The following FDXACB1 variants were observed in gnomAD, a reference collection of about 807,000 sequenced individuals.
FDXACB1 encodes the protein ferredoxin-fold anticodon binding domain containing 1, also known as ferredoxin-fold anticodon-binding domain-containing protein 1.
A neutral mutation model predicts 51.7 loss-of-function variants in FDXACB1; 41 were observed. The ratio of observed to expected loss-of-function variants is 0.79; its 90% confidence interval spans 0.62 to 1.03. The LOEUF is 1.03. FDXACB1 is among the 50% of genes least tolerant of loss of function. The pLI is 0.00. For missense variants in FDXACB1, 697 were observed against 746.4 expected, an observed-to-expected ratio of 0.93 and a Z score of 0.77; for synonymous variants, 273 against 278.6, an observed-to-expected ratio of 0.98 and a Z score of 0.20.
intron 2 of FDXACB1, 58 bp downstream of exon 2, chr11:111,878,498 A>G (rs1964869785): frequency 2.0e-6 from 3 of 1,498,672 alleles, no homozygotes; most frequent in Non-Finnish European, 2.7e-6. Flanking sequence ...GTTTGGGTAC[A>G]GTAACTATGT....
chr11:111,879,070 G>A lies in FDXACB1; in HGVS notation c.63C>T (p.Ser21=), dbSNP rs1555162688. Reference sequence around the variant, plus strand: ...GTTGAGTGCTCTGATCCAGGGTTTCGCTCAGAGCGGCGGCGAAGGAGAAAT... The same window carrying A: ...GTTGAGTGCTCTGATCCAGGGTTTCACTCAGAGCGGCGGCGAAGGAGAAAT... ...EGNFSFAAAL[S]ETLDQSTQLT... is the part of the protein sequence containing the mutation. Residue 21 remains serine (S), a synonymous_variant, in exon 1 of 5, where the codon AGC becomes AGT. Coordinates refer to ENST00000260257, the MANE Select transcript of FDXACB1 (RefSeq NM_138378.3). 6.2e-7 allele frequency: 1 copy of A among 1,613,742 alleles called. No individual in the cohort carries two copies. Among genetic ancestry groups the A allele is most frequent in the Non-Finnish European group, 8.5e-7 (1 of 1,179,838 alleles).
intron 1 of FDXACB1, 25 bp from the exon 2 acceptor site, chr11:111,878,737 A>G: frequency 1.2e-6 from 2 of 1,602,104 alleles, no homozygotes; most frequent in Non-Finnish European, 1.7e-6. Context: ...TTGGGGGCGC[A>G]AAATATAGAC....
At chr11:111,876,686 C>T (rs782508285) in intron 3 of FDXACB1, 47 bp from the exon 4 acceptor site, 2 of 1,595,636 alleles carry the variant, frequency 1.3e-6, no homozygotes. Context: ...TTAAAATAAG[C>T]AAGTATTTTT....
Position 111,876,114 on chromosome 11 carries a change from C to A in FDXACB1, c.693-10G>T. ...TGCTTCCAGGAAACCCCTGTTTAAA[C>A]ACACACAAAAATAACTTTTCTAACT... On this transcript the variant is annotated splice_polypyrimidine_tract_variant and intron_variant, in intron 4 of 4. Transcript: ENST00000260257. 2 of 1,569,938 alleles carry A rather than the reference C, an allele frequency of 1.3e-6. No individual in the cohort carries two copies. The highest frequency in any genetic ancestry group is 2.0e-5 in the Admixed American group (1 of 50,936).
At position 111,876,476 on chromosome 11, in the gene FDXACB1, G is replaced by A; in HGVS notation, c.692+5C>T. 6.2e-7 allele frequency: 1 copy of A among 1,612,368 alleles called. No individual in the cohort carries two copies. Among genetic ancestry groups the A allele is most frequent in the East Asian group, 2.2e-5 (1 of 44,854 alleles). On this transcript the variant is annotated splice_donor_5th_base_variant and intron_variant, in intron 4 of 4. Transcript: ENST00000260257. ...GAAGTGATTTCCAGCAAAATAACTG[G>A]TTACCTGTTCAACTTTCCTACAAGT...
At chr11:111,876,207 C>A (rs1555162136) in intron 4 of FDXACB1, 103 bp from the exon 5 acceptor site, 6 of 1,068,806 alleles carry the variant, frequency 5.6e-6, no homozygotes, top group Non-Finnish European at 7.9e-6. Context: ...AAAGAATTAT[C>A]TTTAAATTGA....
rs782800274 is a variant in FDXACB1, at chr11:111,878,734, C to A, written c.173-22G>T. ...ATACCTGGCAAAGATAGTTTGGGGG[C>A]GCAAAATATAGACAGGAGGATGCCT... On this transcript the variant is annotated intron_variant, in intron 1 of 4. Transcript: ENST00000260257. 53 of 1,601,454 alleles carry A rather than the reference C, an allele frequency of 3.3e-5. No homozygotes were observed. The East Asian group carries it at 1.1e-3, about 34-fold the overall frequency.
Position 111,875,604 on chromosome 11 carries a change from C to T in FDXACB1, c.1193G>A (p.Gly398Glu), listed in dbSNP as rs137921139. 1.9e-6 allele frequency: 3 copies of T among 1,612,158 alleles called. No individual in the cohort carries two copies. The African/African-American group carries it at 4.0e-5, about 22-fold the overall frequency. The change falls in exon 5 of 5, where the codon GGG becomes GAG. Residue 398 changes from glycine to glutamate, a missense_variant. By Grantham distance (98) the Gly-to-Glu change is moderately conservative. Transcript: ENST00000260257. ...GCCATCCTTCAGATTTTGATTAACC[C>T]CAAGGATAAATAAAGTTTCATGAAA... ...PAFHETLFIL[G>E]VNQNLKDGCL...
chr11:111,875,674 G>A lies in FDXACB1; in HGVS notation c.1123C>T (p.Pro375Ser), dbSNP rs376322554. The stretch of plus-strand genomic sequence containing the variant: ...AAAATGTGGCACTTCTGAAAGACAG[G>A]TCCACTGAGGATGTGCAGAGAACCT... ...LSGSLHILSG[P>S]VFQKCHILPF... is the part of the protein sequence containing the mutation. Residue 375 changes from proline to serine, a missense_variant, in exon 5 of 5, where the codon CCT becomes TCT. Pro to Ser is a moderately conservative substitution (Grantham distance 74, BLOSUM62 -1). This residue lies in a region of FDXACB1 where 538 missense variants were observed against 592.2 expected (regional missense o/e 0.91). Transcript: ENST00000260257. The A allele has an allele frequency of 6.2e-7, 1 of 1,613,478 alleles. No individual in the cohort carries two copies. Among genetic ancestry groups the A allele is most frequent in the Non-Finnish European group, 8.5e-7 (1 of 1,179,850 alleles).
In FDXACB1 at chr11:111,875,979, C is replaced by A; in HGVS notation, c.818G>T (p.Gly273Val). ...KCSYPLLPQE[G>V]TSVLPFWNCD... ...ATTCCAGAAAGGAAGAACACTGGTA[C>A]CTTCCTGTGGCAGCAAAGGGTAGGA... The change falls in exon 5 of 5, where the codon GGT becomes GTT. Residue 273 changes from glycine (G) to valine (V), a missense_variant. By Grantham distance (109) the Gly-to-Val change is moderately radical. Around this residue, in one of 3 missense-constraint regions of FDXACB1, gnomAD observed 538 missense variants for 592.2 expected, o/e 0.91. Transcript: ENST00000260257. 1 of 1,613,952 alleles carries A rather than the reference C, an allele frequency of 6.2e-7. No individual in the cohort carries two copies. Among genetic ancestry groups the A allele is most frequent in the Non-Finnish European group, 8.5e-7 (1 of 1,179,882 alleles).
intron 4 of FDXACB1, 148 bp downstream of exon 4, chr11:111,876,333 G>C: frequency 9.4e-7 from 1 of 1,068,256 alleles, no homozygotes; most frequent in Admixed American, 2.5e-5. Context: ...TATAATTCTA[G>C]AGATGCTTAA....
Position 111,874,744 on chromosome 11 carries a change from G to A in FDXACB1, c.*178C>T, listed in dbSNP as rs1346477829. On this transcript the variant is annotated 3_prime_UTR_variant, in exon 5 of 5. Transcript: ENST00000260257. ...CCACTGCACTCCCGCCTGGGCGGCA[G>A]AGCAAGACTCCGTCTCAAAAAAAAA... 3.2e-6 allele frequency: 2 copies of A among 615,934 alleles called. No individual in the cohort carries two copies. The highest frequency in any genetic ancestry group is 4.0e-5 in the African/African-American group (2 of 49,458). 38.2% of individuals were successfully genotyped at this position (615,934 alleles called of 1,614,324 possible). A position where few individuals can be genotyped will look rare whatever the true frequency, so the allele number is the denominator to read the frequency against.
In FDXACB1 at chr11:111,875,024, G is replaced by A. The variant is rs1964779297; in HGVS notation, c.1773C>T (p.Thr591=). Residue 591 remains threonine, a synonymous_variant, in exon 5 of 5, where the codon ACC becomes ACT. Transcript: ENST00000260257. ...TQQVSLCYRL[T]YQTCDKALTQ... ...TGAGGGCCTTGTCACAGGTCTGGTA[G>A]GTCAATCTATAGCAGAGACTGACCT... is the stretch of plus-strand genomic sequence containing the variant. 6.2e-7 allele frequency: 1 copy of A among 1,613,936 alleles called. No individual in the cohort carries two copies. Among genetic ancestry groups the A allele is most frequent in the Non-Finnish European group, 8.5e-7 (1 of 1,179,880 alleles).
chr11:111,874,958 C>G lies in FDXACB1; in HGVS notation c.1839G>C (p.Lys613Asn). ...TAACATATAGGTGTTGTTGAATCTC[C>G]TTCCTAAACTGGGACTGCATTGATG... is the stretch of plus-strand genomic sequence containing the variant. ...QVASMQSQFR[K>N]EIQQHLYVIP... The change falls in exon 5 of 5, where the codon AAG becomes AAC. Residue 613 changes from lysine (K) to asparagine (N), a missense_variant. Physicochemically the swap from Lys to Asn is moderately conservative, Grantham distance 94. Coordinates refer to ENST00000260257, the MANE Select transcript of FDXACB1 (RefSeq NM_138378.3). The G allele has an allele frequency of 1.9e-6, 3 of 1,613,982 alleles. No individual in the cohort carries two copies. Among genetic ancestry groups the G allele is most frequent in the Non-Finnish European group, 2.5e-6 (3 of 1,179,886 alleles).
At chr11:111,878,078 T>C (rs1964857590) in intron 2 of FDXACB1, among the ~76,000 whole-genome samples, 1 of 151,860 alleles carries the variant, frequency 6.6e-6, no homozygotes, top group Non-Finnish European at 1.5e-5. Context: ...TCCCAGCTAC[T>C]TGGGAGGCTG....
chr11:111,878,997 G>C lies in FDXACB1; in HGVS notation c.136C>G (p.Leu46Val), dbSNP rs782239827. The change falls in exon 1 of 5, where the codon CTG (leucine) becomes GTG (valine). Residue 46 changes from leucine (L) to valine (V), a missense_variant. Around this residue, in one of 3 missense-constraint regions of FDXACB1, gnomAD observed 153 missense variants for 133.5 expected, o/e 1.15. Transcript: ENST00000260257. ...AGGCACTGCAGATTCTCCCAGGCCA[G>C]TGGATCCCGAGCCAACTCGGCCGGG... is the stretch of plus-strand genomic sequence containing the variant. Reference protein sequence around the residue: ...QRPAELARDPLAWENLQCLRE... With the variant: ...QRPAELARDPVAWENLQCLRE... 1.9e-6 allele frequency: 3 copies of C among 1,611,628 alleles called. No homozygotes were observed. Among genetic ancestry groups the C allele is most frequent in the Non-Finnish European group, 2.5e-6 (3 of 1,179,112 alleles).
At chr11:111,877,212 A>C (rs1555162304) in intron 2 of FDXACB1, among the ~76,000 whole-genome samples, 1 of 152,174 alleles carries the variant, frequency 6.6e-6, no homozygotes, top group African/African-American at 2.4e-5. Flanking sequence ...CAACCCACTC[A>C]CTGATAAGAT....
chr11:111,877,097 TG>T, intron 2 of FDXACB1, 86 bp from the exon 3 acceptor site: 1 of 1,322,850 alleles, frequency 7.6e-7, no homozygotes, highest in Non-Finnish European at 1.0e-6. Flanking sequence ...ATGGTTTGCC[TG>T]TGAAATAATT....
At chr11:111,877,098 G>A in intron 2 of FDXACB1, 87 bp from the exon 3 acceptor site, 3 of 1,320,370 alleles carry the variant, frequency 2.3e-6, no homozygotes, top group South Asian at 2.9e-5. Flanking sequence ...TGGTTTGCCT[G>A]TGAAATAATT....
Sources: gnomAD v4.1 joint callset for allele counts (sites outside exome capture counted in the v4.1 genomes callset) on GRCh38, gnomAD v4.1.1 for gene constraint, gnomAD v4.1.1 regional missense constraint, MANE v1.5 for transcripts, NCBI Gene and HGNC (gene_info 2026-07-23, HGNC 2026-07-21) for gene names.